RBM4: variants seen among roughly 807,000 people sequenced by gnomAD.
The protein encoded by RBM4 is RNA binding motif protein 4, also known as RNA-binding protein 4.
RBM4 carries 7 observed loss-of-function variants against 29.5 expected under a neutral mutation model. The ratio of observed to expected loss-of-function variants is 0.24; its 90% confidence interval spans 0.14 to 0.45. The LOEUF is 0.45. Ranked by LOEUF, RBM4 falls within the 20% of genes least tolerant of loss-of-function variation. The probability of loss-of-function intolerance (pLI) is 1.00; values close to 1 mark genes in which losing one functional copy is unlikely to be tolerated. For synonymous variants in RBM4, 220 were observed against 205.4 expected (o/e 1.07, Z -0.61); for missense variants, 387 against 502.3 (o/e 0.77, Z 2.19).
At chr11:66,639,634 CGTT>C in intron 1 of RBM4, 63 bp from the exon 2 acceptor site, 3 of 1,542,326 alleles carry the variant, frequency 1.9e-6, no homozygotes, top group South Asian at 1.2e-5. Context: ...GAGTGAAAGT[CGTT>C]GTCTTTTGTG....
chr11:66,642,091 A>C (rs1350981976), intron 2 of RBM4, among the ~76,000 whole-genome samples: 1 of 152,082 alleles, frequency 6.6e-6, no homozygotes, highest in African/African-American at 2.4e-5. Flanking sequence ...TTGCATATCT[A>C]CTCTCTTTTA....
intron 2 of RBM4, among the ~76,000 whole-genome samples, chr11:66,656,062 G>C (rs989728568): frequency 6.6e-6 from 1 of 151,428 alleles, no homozygotes; most frequent in Non-Finnish European, 1.5e-5. Context: ...CCTCCGCCTC[G>C]CGGGTTCGAG....
rs200696447 is a variant in RBM4, at chr11:66,644,110, G to A, written c.1073G>A (p.Arg358Gln). 9.3e-6 allele frequency: 15 copies of A among 1,613,646 alleles called. No homozygotes were observed. The East Asian group carries it at 1.3e-4, about 14-fold the overall frequency. The change falls in exon 3 of 4, where the codon CGG (arginine) becomes CAG (glutamine). Residue 358 changes from arginine to glutamine, a missense_variant. Physicochemically the swap from Arg to Gln is conservative, Grantham distance 43. Around this residue, in one of 2 missense-constraint regions of RBM4, gnomAD observed 281 missense variants for 288.7 expected, o/e 0.97. Coordinates refer to ENST00000310092, the MANE Select transcript of RBM4 (RefSeq NM_002896.4). ...ARYEREQYAD[R>Q]ARYSAF ...TATGAGCGGGAGCAGTATGCCGATC[G>A]GGCGCGGTACTCAGCCTTTTAAAGC...
chr11:66,652,163 G>C (rs1938846181), intron 2 of RBM4: 1 of 152,008 alleles, frequency 6.6e-6, no homozygotes, highest in Non-Finnish European at 1.5e-5. Flanking sequence ...TGCAGTCTCG[G>C]CTCACTGCAA....
rs749575411 is a variant in RBM4, at chr11:66,643,492, C to T, written c.455C>T (p.Thr152Ile). ...HVQLSTSRLRTAPGMGDQSGC... is the reference protein window; with the variant it reads ...HVQLSTSRLRIAPGMGDQSGC... ...CAGTTGTCCACCAGCCGGCTTAGGACTGCGCCCGGGATGGGAGACCAGAGC... is the reference window on the plus strand; with the variant it reads ...CAGTTGTCCACCAGCCGGCTTAGGATTGCGCCCGGGATGGGAGACCAGAGC... Residue 152 changes from threonine (T) to isoleucine (I), a missense_variant, in exon 3 of 4, where the codon ACT (threonine) becomes ATT (isoleucine). Transcript: ENST00000310092. The surrounding 1 kb of genome is among the most constrained non-coding windows in gnomAD (Gnocchi z 6.1). 3 of 1,613,860 alleles carry T rather than the reference C, an allele frequency of 1.9e-6. No individual in the cohort carries two copies. Among genetic ancestry groups the T allele is most frequent in the Non-Finnish European group, 2.5e-6 (3 of 1,179,832 alleles).
At chr11:66,647,427 T>C (rs1328893440), downstream of RBM4, among the ~76,000 whole-genome samples, 1 of 152,240 alleles carries the variant, frequency 6.6e-6, no homozygotes, top group Non-Finnish European at 1.5e-5. Flanking sequence ...ACATGTAATT[T>C]ATTGAATATT....
chr11:66,667,426 A>T (rs2135230476), exon 3 of RBM4: 1 of 152,294 alleles, frequency 6.6e-6, no homozygotes, highest in African/African-American at 2.4e-5. Context: ...CTTCAACAAC[A>T]AAAAACACAA....
intron 1 of RBM4, 57 bp from the exon 2 acceptor site, chr11:66,639,643 T>C (rs1002667479): frequency 3.3e-5 from 51 of 1,567,716 alleles, no homozygotes; most frequent in Admixed American, 1.1e-4. Context: ...TCGTTGTCTT[T>C]TGTGAACGGA....
intron 2 of RBM4, among the ~76,000 whole-genome samples, chr11:66,657,418 C>T (rs1938970127): frequency 6.6e-6 from 1 of 151,720 alleles, no homozygotes. Flanking sequence ...CGCGGTGGCT[C>T]ACACCTGTAA....
At chr11:66,653,425 G>C (rs1057351852) in intron 2 of RBM4, among the ~76,000 whole-genome samples, 1 of 148,476 alleles carries the variant, frequency 6.7e-6, no homozygotes, top group Non-Finnish European at 1.5e-5. Flanking sequence ...GCAGTGATGC[G>C]ATCTCGGCTC....
At chr11:66,666,129 G>A (rs1939224333) in exon 3 of RBM4, 1 of 763,360 alleles carries the variant, frequency 1.3e-6, no homozygotes, top group Non-Finnish European at 2.0e-6. Flanking sequence ...CACAGAGTGA[G>A]AGCCACAGTT....
chr11:66,649,824 G>T (rs1443825654), downstream of RBM4: 2 of 692,286 alleles, frequency 2.9e-6, no homozygotes, highest in Non-Finnish European at 2.6e-6. Context: ...GGATCCTCCC[G>T]CCTTGGCCTC....
In RBM4 at chr11:66,640,024, A is replaced by G; in HGVS notation, c.313A>G (p.Ile105Val). 1 of 1,614,218 alleles carries G rather than the reference A, an allele frequency of 6.2e-7. No individual in the cohort carries two copies. Among genetic ancestry groups the G allele is most frequent in the Non-Finnish European group, 8.5e-7 (1 of 1,180,034 alleles). Residue 105 changes from isoleucine to valine, a missense_variant, in exon 2 of 4, where the codon ATC becomes GTC. By Grantham distance (29) the Ile-to-Val change is conservative. This residue lies in a region of RBM4 where 106 missense variants were observed against 213.6 expected (regional missense o/e 0.50). Transcript: ENST00000310092. ...CAAGTTTGAGGAGTATGGTCCGGTC[A>G]TCGAATGTGACATCGTGAAAGATTA... ...RAKFEEYGPV[I>V]ECDIVKDYAF...
At chr11:66,644,737 T>C (rs968994253) in intron 3 of RBM4, 2 of 947,048 alleles carry the variant, frequency 2.1e-6, no homozygotes, top group African/African-American at 3.6e-5. Flanking sequence ...ATAGAACTTA[T>C]TTGATGGTAA....
At position 66,646,376 on chromosome 11, in the gene RBM4, A is replaced by G; in HGVS notation, c.*358A>G. Reference sequence around the variant, plus strand: ...TGGGAATGACCTTGGTGAGAGTCTCACTGCTCCAGGGTCTCTTTTTGGTCC... The same window carrying G: ...TGGGAATGACCTTGGTGAGAGTCTCGCTGCTCCAGGGTCTCTTTTTGGTCC... On this transcript the variant is annotated 3_prime_UTR_variant, in exon 4 of 4. Coordinates refer to ENST00000310092, the MANE Select transcript of RBM4 (RefSeq NM_002896.4). 2 of 1,182,976 alleles carry G rather than the reference A, an allele frequency of 1.7e-6. No homozygotes were observed. Among genetic ancestry groups the G allele is most frequent in the Non-Finnish European group, 2.1e-6 (2 of 950,288 alleles). The allele number at this position is 1,182,976 out of a possible 1,614,324, so 73.3% of individuals were successfully genotyped here.
At chr11:66,648,738 G>A (rs766251879), downstream of RBM4, among the ~76,000 whole-genome samples, 5 of 151,808 alleles carry the variant, frequency 3.3e-5, no homozygotes, top group Admixed American at 6.6e-5. Context: ...CTTGGAACCC[G>A]GGAGGTGGAG....
downstream of RBM4, among the ~76,000 whole-genome samples, chr11:66,650,601 C>T (rs956796570): frequency 2.6e-5 from 4 of 151,338 alleles, no homozygotes; most frequent in Non-Finnish European, 4.4e-5. Context: ...CGGTGGCCCA[C>T]GCCTGTATTC....
At chr11:66,645,150 G>C (rs1938637660) in intron 3 of RBM4, among the ~76,000 whole-genome samples, 3 of 152,118 alleles carry the variant, frequency 2.0e-5, no homozygotes, top group Admixed American at 2.0e-4. Flanking sequence ...GCTCTACCCT[G>C]AGTCCGCTGG....
intron 2 of RBM4, chr11:66,652,312 C>T (rs1479796973): frequency 2.0e-5 from 3 of 152,150 alleles, no homozygotes; most frequent in Non-Finnish European, 4.4e-5. Context: ...CCAGGATGGT[C>T]TCGATCTCCT....
Sources: allele counts gnomAD v4.1 joint callset (sites outside exome capture counted in the v4.1 genomes callset), GRCh38; gene constraint gnomAD v4.1.1; regional missense constraint gnomAD v4.1.1; non-coding constraint Gnocchi (gnomAD v3.1); transcripts MANE v1.5; gene names NCBI Gene and HGNC (gene_info 2026-07-23, HGNC 2026-07-21).